MTSS2: variants seen among roughly 807,000 people sequenced by gnomAD.
MTSS2 encodes the protein MTSS I-BAR domain containing 2.
In MTSS2, 27 loss-of-function variants were observed where a neutral mutation model predicts 67.1. That is an observed-to-expected ratio of 0.40 (90% CI 0.30 to 0.55). MTSS2 has a LOEUF of 0.55. Among genes scored for constraint, MTSS2 ranks in the 20% least tolerant of loss-of-function variants. MTSS2 has a pLI of 0.43. For synonymous variants in MTSS2, 624 were observed against 468.6 expected (o/e 1.33, Z -4.28); for missense variants, 1,171 against 1,067.8 (o/e 1.10, Z -1.35).
chr16:70,672,921 G>A (rs934764594), intron 11 of MTSS2, among the ~76,000 whole-genome samples: 2 of 152,156 alleles, frequency 1.3e-5, no homozygotes, highest in African/African-American at 4.8e-5. Context: ...AGCACTTTGG[G>A]AGGCTAAGGC....
At chr16:70,685,667 C>T in intron 1 of MTSS2, 56 bp downstream of exon 1, 2 of 1,102,454 alleles carry the variant, frequency 1.8e-6, no homozygotes, top group East Asian at 5.4e-5. Flanking sequence ...CGCCACGCGT[C>T]CCCGGGGGGT....
In MTSS2 at chr16:70,679,763, G is replaced by A. The variant is rs200429497; in HGVS notation, c.382+23C>T. 2.2e-5 allele frequency: 36 copies of A among 1,610,116 alleles called. No homozygotes were observed. The East Asian group carries it at 7.6e-4, about 34-fold the overall frequency. On this transcript the variant is annotated intron_variant, in intron 5 of 14. Coordinates refer to ENST00000338779, the MANE Select transcript of MTSS2 (RefSeq NM_138383.3). ...GTCCCTGCGGAGTGGGGGGTGGGAA[G>A]CCCGGCTCCGCGCCACCCTCACCTT...
At chr16:70,665,315 G>A (rs2084304989) in intron 12 of MTSS2, 151 bp downstream of exon 12, 1 of 968,476 alleles carries the variant, frequency 1.0e-6, no homozygotes. Context: ...TGTAGGAAAT[G>A]GCCAGGTGGC....
Position 70,676,887 on chromosome 16 carries a change from A to T in MTSS2, c.824T>A (p.Met275Lys). 6.2e-7 allele frequency: 1 copy of T among 1,612,986 alleles called. No individual in the cohort carries two copies. The highest frequency in any genetic ancestry group is 1.1e-5 in the South Asian group (1 of 91,014). The change falls in exon 10 of 15, where the codon ATG becomes AAG. Residue 275 changes from methionine (M) to lysine (K), a missense_variant. Met to Lys is a moderately conservative substitution (Grantham distance 95). This residue lies in a region of MTSS2 where 924 missense variants were observed against 756.0 expected (regional missense o/e 1.22). Coordinates refer to ENST00000338779, the MANE Select transcript of MTSS2 (RefSeq NM_138383.3). ...PSSSSSRKSS[M>K]CSAPSSSSSA... ...GAACCCCACCCCCACTGACCTGCAC[A>T]TGCTGGACTTCCGGGAGCTGGAGCT...
chr16:70,663,636 T>A lies in MTSS2; in HGVS notation c.*41A>T. 1 of 1,513,156 alleles carries A rather than the reference T, an allele frequency of 6.6e-7. No homozygotes were observed. Among genetic ancestry groups the A allele is most frequent in the Non-Finnish European group, 8.8e-7 (1 of 1,130,230 alleles). 93.7% of individuals were successfully genotyped at this position (1,513,156 alleles called of 1,614,324 possible). On this transcript the variant is annotated 3_prime_UTR_variant, in exon 15 of 15. Transcript: ENST00000338779. Reference sequence around the variant, plus strand: ...CCTGCGGCTCACAGACCAGGCCACCTGCTCGCACTGGGGCCTGAGAGGATG... The same window carrying A: ...CCTGCGGCTCACAGACCAGGCCACCAGCTCGCACTGGGGCCTGAGAGGATG...
rs2052457249 is a variant in MTSS2 at position 70,661,330 on chromosome 16, A to G, written c.*2347T>C. On this transcript the variant is annotated 3_prime_UTR_variant, in exon 15 of 15. Coordinates refer to ENST00000338779, the MANE Select transcript of MTSS2 (RefSeq NM_138383.3). ...GCGGGGAGGAGAGGAGAATTTTTCC[A>G]AAATCTGACGGAAAGAAAAGAAACA... is the stretch of plus-strand genomic sequence containing the variant. 1 of 452,454 alleles carries G rather than the reference A, an allele frequency of 2.2e-6. No homozygotes were observed. The highest frequency in any genetic ancestry group is 2.0e-5 in the African/African-American group (1 of 48,832). 28.0% of individuals were successfully genotyped at this position (452,454 alleles called of 1,614,324 possible).
At chr16:70,671,808 T>A (rs946275799) in intron 11 of MTSS2, among the ~76,000 whole-genome samples, 6 of 152,222 alleles carry the variant, frequency 3.9e-5, no homozygotes, top group Non-Finnish European at 7.3e-5. Flanking sequence ...CACGACGCAG[T>A]GACATTGTGC....
Position 70,663,847 on chromosome 16 carries a change from G to A in MTSS2, c.2074C>T (p.Gln692Ter). 6.5e-7 allele frequency: 1 copy of A among 1,541,556 alleles called. No homozygotes were observed. Among genetic ancestry groups the A allele is most frequent in the Admixed American group, 2.0e-5 (1 of 50,852 alleles). Residue 692 changes from glutamine to a stop codon, truncating the protein, a stop_gained, in exon 15 of 15, where the codon CAG becomes TAG. Coordinates refer to ENST00000338779, the MANE Select transcript of MTSS2 (RefSeq NM_138383.3). LOFTEE classifies it low-confidence loss of function (END_TRUNC). Reference sequence around the variant, plus strand: ...GACAGAGCAGTGGGGAAGGGGAACTGGCCCTCACCCAGTGCGTGGGCACCC... The same window carrying A: ...GACAGAGCAGTGGGGAAGGGGAACTAGCCCTCACCCAGTGCGTGGGCACCC... Reference protein sequence around the residue: ...VAGAHALGEGQFPFPTALSAT... With the variant: ...VAGAHALGEG
At chr16:70,675,899 C>A (rs1007319557) in intron 10 of MTSS2, among the ~76,000 whole-genome samples, 11 of 152,352 alleles carry the variant, frequency 7.2e-5, no homozygotes, top group Admixed American at 3.9e-4. Flanking sequence ...ATGGCTCACA[C>A]CCTCAGCACA....
intron 7 of MTSS2, among the ~76,000 whole-genome samples, chr16:70,678,987 TGATGA>T (rs1190239510): frequency 6.6e-6 from 1 of 151,772 alleles, no homozygotes. Flanking sequence ...GCAGAGGAGA[TGATGA>T]GATGGCAGGT....
rs1415877247 is a variant in MTSS2, at chr16:70,668,383, G to C, written c.1054-2843C>G. ...ATACTGTACCTCTGCACTCCAGCCT[G>C]GGGGACAGAGTGAGACTGTATCAAA... On this transcript the variant is annotated intron_variant, in intron 11 of 14. Coordinates refer to ENST00000338779, the MANE Select transcript of MTSS2 (RefSeq NM_138383.3). Among the ~76,000 whole-genome samples the C allele has an allele frequency of 2.0e-5, 3 of 151,130 alleles. No individual in the cohort carries two copies. The Admixed American group carries it at 2.0e-4, about 10-fold the overall frequency.
chr16:70,677,797 C>T lies in MTSS2; in HGVS notation c.727G>A (p.Glu243Lys), dbSNP rs1414750696. 3 of 1,608,426 alleles carry T rather than the reference C, an allele frequency of 1.9e-6. No homozygotes were observed. Among genetic ancestry groups the T allele is most frequent in the South Asian group, 1.1e-5 (1 of 89,430 alleles). Residue 243 changes from glutamate (E) to lysine (K), a missense_variant, in exon 9 of 15, where the codon GAG (glutamate) becomes AAG (lysine). Transcript: ENST00000338779. ...AEPHKLPPAS[E>K]QVIKDLKGSD... is the part of the protein sequence containing the mutation. ...TGGCCAGAGGGCTCCCGCACCTGCT[C>T]GCTGGCGGGAGGCAGTTTGTGGGGT...
rs541555211 is a variant in MTSS2 at position 70,661,672 on chromosome 16, GGAGTA to G, written c.*2000_*2004del. 6.1e-6 allele frequency: 2 copies of G among 328,076 alleles called. No homozygotes were observed. Among genetic ancestry groups the G allele is most frequent in the Admixed American group, 4.5e-5 (1 of 22,338 alleles). 20.3% of individuals were successfully genotyped at this position (328,076 alleles called of 1,614,324 possible). ...TGGTCTCAGGGATGGACAAGGGGAT[GGAGTA>G]GAGTATGTACAGCCCCCGGGGCTCA... On this transcript the variant is annotated 3_prime_UTR_variant, in exon 15 of 15. Transcript: ENST00000338779.
At chr16:70,673,752 G>C (rs756238124) in intron 11 of MTSS2, among the ~76,000 whole-genome samples, 5 of 152,096 alleles carry the variant, frequency 3.3e-5, no homozygotes, top group Non-Finnish European at 7.4e-5. Context: ...AATATAGCTT[G>C]TAAGTTTGAG....
At chr16:70,664,513 G>C in intron 14 of MTSS2, 64 bp from the exon 15 acceptor site, 1 of 1,564,536 alleles carries the variant, frequency 6.4e-7, no homozygotes, top group Non-Finnish European at 8.7e-7. Context: ...GCCCACCAGG[G>C]TGAGCACAGA....
At chr16:70,671,421 C>T (rs1485979083) in intron 11 of MTSS2, among the ~76,000 whole-genome samples, 1 of 151,552 alleles carries the variant, frequency 6.6e-6, no homozygotes, top group Non-Finnish European at 1.5e-5. Context: ...AAAAAAGTTC[C>T]TGAAAGACTC....
rs1271671228 is a variant in MTSS2 at position 70,680,069 on chromosome 16, C to A, written c.206-14G>T. On this transcript the variant is annotated splice_polypyrimidine_tract_variant and intron_variant, in intron 3 of 14. Coordinates refer to ENST00000338779, the MANE Select transcript of MTSS2 (RefSeq NM_138383.3). Reference sequence around the variant, plus strand: ...CCCTCGTGGCCCCTGGCGAGGCAAGCGCGGGGTGGGAAGGGGCCCGCTGGG... The same window carrying A: ...CCCTCGTGGCCCCTGGCGAGGCAAGAGCGGGGTGGGAAGGGGCCCGCTGGG... 2.7e-6 allele frequency: 4 copies of A among 1,493,642 alleles called. No individual in the cohort carries two copies. The highest frequency in any genetic ancestry group is 4.2e-5 in the Admixed American group (2 of 47,166). 92.5% of individuals were successfully genotyped at this position (1,493,642 alleles called of 1,614,324 possible).
chr16:70,675,286 G>A (rs1179760454), intron 10 of MTSS2, among the ~76,000 whole-genome samples: 1 of 151,930 alleles, frequency 6.6e-6, no homozygotes, highest in Non-Finnish European at 1.5e-5. Context: ...AGCCAGGCGT[G>A]GTGGTGCACA....
At chr16:70,683,340 G>C (rs1485364993) in intron 1 of MTSS2, among the ~76,000 whole-genome samples, 1 of 152,226 alleles carries the variant, frequency 6.6e-6, no homozygotes, top group Non-Finnish European at 1.5e-5. Context: ...GTGCTGCTCA[G>C]CCAGCACTCC....
Sources: gnomAD v4.1 joint callset for allele counts (sites outside exome capture counted in the v4.1 genomes callset) on GRCh38, gnomAD v4.1.1 for gene constraint, gnomAD v4.1.1 regional missense constraint, MANE v1.5 for transcripts, NCBI Gene and HGNC (gene_info 2026-07-23, HGNC 2026-07-21) for gene names.